The following FREM2 variants were observed in gnomAD, a reference collection of about 807,000 sequenced individuals.
FREM2 encodes FRAS1 related extracellular matrix 2.
Under a neutral mutation model 219.9 loss-of-function variants are expected in FREM2, and 119 were observed. That is an observed-to-expected ratio of 0.54 (90% CI 0.47 to 0.63). FREM2 has a LOEUF of 0.63. FREM2 is among the 30% of genes least tolerant of loss of function. The pLI is 0.00. For synonymous variants in FREM2, 1,562 were observed against 1,522.8 expected (o/e 1.03, Z -0.60); for missense variants, 4,030 against 3,993.6 (o/e 1.01, Z -0.25).
chr13:38,802,525 G>A (rs2137852478), intron 6 of FREM2, among the ~76,000 whole-genome samples: 1 of 152,278 alleles, frequency 6.6e-6, no homozygotes, highest in South Asian at 2.1e-4. Context: ...GCTGTGGGGA[G>A]TGCAGTTTGA....
rs779219968 is a variant in FREM2, at chr13:38,692,085, C to T, written c.4741C>T (p.Leu1581Phe). Reference protein sequence around the residue: ...TITQVPIHGHLLFNNTRPVMV... With the variant: ...TITQVPIHGHFLFNNTRPVMV... ...CACCCAGGTGCCTATTCATGGCCAT[C>T]TCCTATTCAACAATACCAGACCTGT... The change falls in exon 1 of 24, where the codon CTC (leucine) becomes TTC (phenylalanine). Residue 1581 changes from leucine (L) to phenylalanine (F), a missense_variant. Coordinates refer to ENST00000280481, the MANE Select transcript of FREM2 (RefSeq NM_207361.6). The T allele has an allele frequency of 1.9e-6, 3 of 1,614,194 alleles. No homozygotes were observed. In the Admixed American group the frequency reaches 5.0e-5, roughly 27 times the overall value.
intron 15 of FREM2, among the ~76,000 whole-genome samples, chr13:38,862,506 C>G (rs1011055872): frequency 1.1e-4 from 17 of 152,130 alleles, no homozygotes; most frequent in South Asian, 4.1e-4. Flanking sequence ...TCTGCCACTC[C>G]TAGGGCTTGG....
chr13:38,694,133 A>G (rs978278598), intron 1 of FREM2, among the ~76,000 whole-genome samples: 3 of 152,254 alleles, frequency 2.0e-5, no homozygotes, highest in African/African-American at 7.2e-5. Context: ...TAAGTCCAAC[A>G]GCTCACAATA....
intron 6 of FREM2, among the ~76,000 whole-genome samples, chr13:38,805,442 T>C (rs1054294478): frequency 6.6e-6 from 1 of 151,842 alleles, no homozygotes; most frequent in African/African-American, 2.4e-5. Context: ...GAAAGAAAGA[T>C]GGAAGAAGAT....
rs1032446261 is a variant in FREM2 at position 38,880,938 on chromosome 13, A to T, written c.*151A>T. On this transcript the variant is annotated 3_prime_UTR_variant, in exon 24 of 24. Coordinates refer to ENST00000280481, the MANE Select transcript of FREM2 (RefSeq NM_207361.6). ...ACTGTACTAATGGAGTTTGATTTGAATTCTCCATACTCTTTTTTGCATCAA... is the reference window on the plus strand; with the variant it reads ...ACTGTACTAATGGAGTTTGATTTGATTTCTCCATACTCTTTTTTGCATCAA... 22 of 953,388 alleles carry T rather than the reference A, an allele frequency of 2.3e-5. No homozygotes were observed. In the Middle Eastern group the frequency reaches 6.9e-4, roughly 30 times the overall value. The allele number at this position is 953,388 out of a possible 1,614,324, so 59.1% of individuals were successfully genotyped here. A position where few individuals can be genotyped will look rare whatever the true frequency, so the allele number is the denominator to read the frequency against.
At chr13:38,784,327 A>G (rs549466807) in intron 5 of FREM2, among the ~76,000 whole-genome samples, 6 of 152,254 alleles carry the variant, frequency 3.9e-5, no homozygotes, top group African/African-American at 1.4e-4. Context: ...ATTGACAGGA[A>G]AGTCAGGAGT....
chr13:38,716,811 T>C (rs561843181), intron 2 of FREM2, among the ~76,000 whole-genome samples: 1 of 152,170 alleles, frequency 6.6e-6, no homozygotes, highest in Non-Finnish European at 1.5e-5. Context: ...CCTGGCCTGC[T>C]CTTTCTTATC....
Position 38,859,597 on chromosome 13 carries a change from C to A in FREM2, c.7519+7C>A. 1 of 1,612,740 alleles carries A rather than the reference C, an allele frequency of 6.2e-7. No individual in the cohort carries two copies. Among genetic ancestry groups the A allele is most frequent in the South Asian group, 1.1e-5 (1 of 90,778 alleles). ...ACCATCAGCAGAGAAGAAGGTCAGT[C>A]ATTGCCATTTTCCCCTGAAGATCAC... is the stretch of plus-strand genomic sequence containing the variant. On this transcript the variant is annotated splice_region_variant and intron_variant, in intron 14 of 23. Coordinates refer to ENST00000280481, the MANE Select transcript of FREM2 (RefSeq NM_207361.6).
rs1420337723 is a variant in FREM2, at chr13:38,687,328, GC to G, written c.-14del. The stretch of plus-strand genomic sequence containing the variant: ...CATGCTCTCAGGCTGACCTGTCCAA[GC>G]CCGAACACCGGGACCATGCACTCAG... On this transcript the variant is annotated 5_prime_UTR_variant, in exon 1 of 24. Coordinates refer to ENST00000280481, the MANE Select transcript of FREM2 (RefSeq NM_207361.6). The G allele has an allele frequency of 1.9e-6, 3 of 1,588,238 alleles. No homozygotes were observed. Among genetic ancestry groups the G allele is most frequent in the Non-Finnish European group, 2.6e-6 (3 of 1,167,302 alleles).
In FREM2 at chr13:38,691,037, A is replaced by C. The variant is rs1408766736; in HGVS notation, c.3693A>C (p.Gln1231His). ...ATGATTTAACTTTCACTATTACCCA[A>C]TTCCCCACTCATGGTCACATCATGA... ...PLDDLTFTITQFPTHGHIMNQ... is the reference protein window; with the variant it reads ...PLDDLTFTITHFPTHGHIMNQ... Residue 1231 changes from glutamine (Q) to histidine (H), a missense_variant, in exon 1 of 24, where the codon CAA becomes CAC. Gln to His is a conservative substitution (Grantham distance 24, BLOSUM62 0). Around this residue, in one of 2 missense-constraint regions of FREM2, gnomAD observed 3,102 missense variants for 2,950.7 expected, o/e 1.05. Coordinates refer to ENST00000280481, the MANE Select transcript of FREM2 (RefSeq NM_207361.6). 6.2e-7 allele frequency: 1 copy of C among 1,614,114 alleles called. No individual in the cohort carries two copies. Among genetic ancestry groups the C allele is most frequent in the South Asian group, 1.1e-5 (1 of 91,082 alleles).
At position 38,692,111 on chromosome 13, in the gene FREM2, C is replaced by A. The variant is rs1260491338; in HGVS notation, c.4767C>A (p.Val1589=). ...TCCTATTCAACAATACCAGACCTGTCATGGTTTTTACCAAGCAAGACTTGA... is the reference window on the plus strand; with the variant it reads ...TCCTATTCAACAATACCAGACCTGTAATGGTTTTTACCAAGCAAGACTTGA... ...GHLLFNNTRP[V]MVFTKQDLNE... The change falls in exon 1 of 24, where the codon GTC becomes GTA. Residue 1589 remains valine, a synonymous_variant. Coordinates refer to ENST00000280481, the MANE Select transcript of FREM2 (RefSeq NM_207361.6). The A allele has an allele frequency of 1.9e-6, 3 of 1,614,048 alleles. No individual in the cohort carries two copies. Among genetic ancestry groups the A allele is most frequent in the South Asian group, 1.1e-5 (1 of 91,078 alleles).
At chr13:38,803,380 G>A (rs1875096367) in intron 6 of FREM2, among the ~76,000 whole-genome samples, 1 of 152,088 alleles carries the variant, frequency 6.6e-6, no homozygotes, top group African/African-American at 2.4e-5. Context: ...TACAGGAACA[G>A]GTCTTGATGA....
intron 2 of FREM2, among the ~76,000 whole-genome samples, chr13:38,762,058 G>A (rs1383250174): frequency 5.3e-5 from 8 of 152,190 alleles, no homozygotes; most frequent in Non-Finnish European, 7.3e-5. Flanking sequence ...TTGGGCATGC[G>A]TGGCGTGGCA....
chr13:38,792,766 T>C (rs1378609916), intron 6 of FREM2, among the ~76,000 whole-genome samples: 1 of 97,884 alleles, frequency 1.0e-5, no homozygotes, highest in Non-Finnish European at 2.5e-5. Context: ...AGCACTTTGA[T>C]TTGGGATTTT....
intron 2 of FREM2, among the ~76,000 whole-genome samples, chr13:38,758,668 T>G (rs1873112492): frequency 6.6e-6 from 1 of 152,198 alleles, no homozygotes; most frequent in Admixed American, 6.5e-5. Flanking sequence ...CTCGAGGAGA[T>G]TCTCCTATGG....
chr13:38,864,239 T>C, intron 15 of FREM2, 36 bp from the exon 16 acceptor site: 4 of 1,542,126 alleles, frequency 2.6e-6, no homozygotes, highest in Non-Finnish European at 3.6e-6. Flanking sequence ...CTTGGCTACT[T>C]GAAAGACTGT....
At chr13:38,698,312 T>G (rs567711612) in intron 2 of FREM2, among the ~76,000 whole-genome samples, 1 of 152,170 alleles carries the variant, frequency 6.6e-6, no homozygotes, top group Non-Finnish European at 1.5e-5. Flanking sequence ...ATGATTTTCT[T>G]AGTTTGGGGG....
At chr13:38,706,202 A>C (rs1392666568) in intron 2 of FREM2, among the ~76,000 whole-genome samples, 1 of 152,194 alleles carries the variant, frequency 6.6e-6, no homozygotes, top group East Asian at 1.9e-4. Flanking sequence ...ATTTGATCAA[A>C]ATATAACCCT....
chr13:38,848,554 G>A lies in FREM2; in HGVS notation c.6263G>A (p.Gly2088Glu), dbSNP rs1877249938. ...CGTGTTGTCATTCTGGATGACCTTG[G>A]ACAACCAGCGCTGGAGGGAATTGAG... Reference protein sequence around the residue: ...PVRVVILDDLGQPALEGIEKF... With the variant: ...PVRVVILDDLEQPALEGIEKF... The change falls in exon 8 of 24, where the codon GGA (glycine) becomes GAA (glutamate). Residue 2088 changes from glycine to glutamate, a missense_variant. Gly to Glu is a moderately conservative substitution (Grantham distance 98). This residue lies in a region of FREM2 where 3,102 missense variants were observed against 2,950.7 expected (regional missense o/e 1.05). Transcript: ENST00000280481. 7 of 1,613,942 alleles carry A rather than the reference G, an allele frequency of 4.3e-6. No individual in the cohort carries two copies. The South Asian group carries it at 6.6e-5, about 15-fold the overall frequency.
Sources: allele counts gnomAD v4.1 joint callset (sites outside exome capture counted in the v4.1 genomes callset), GRCh38; gene constraint gnomAD v4.1.1; regional missense constraint gnomAD v4.1.1; transcripts MANE v1.5; gene names NCBI Gene and HGNC (gene_info 2026-07-23, HGNC 2026-07-21).